AOAH: variants seen among roughly 807,000 people sequenced by gnomAD.
AOAH encodes the protein acyloxyacyl hydrolase, also known as acyloxyacyl hydrolase (neutrophil).
AOAH carries 64 observed loss-of-function variants against 92.2 expected under a neutral mutation model. That is an observed-to-expected ratio of 0.69 (90% CI 0.57 to 0.86). The LOEUF is 0.86. AOAH is among the 40% of genes least tolerant of loss of function. The pLI is 0.00. For synonymous variants in AOAH, 263 were observed against 254.5 expected (o/e 1.03, Z -0.32); for missense variants, 656 against 694.6 (o/e 0.94, Z 0.62).
intron 5 of AOAH, among the ~76,000 whole-genome samples, chr7:36,633,753 C>T (rs1793318055): frequency 1.3e-5 from 2 of 152,064 alleles, no homozygotes; most frequent in South Asian, 2.1e-4. Context: ...TGTCTCTAGG[C>T]GTGGGAAGAT....
chr7:36,637,093 A>G (rs1793576660), intron 5 of AOAH, among the ~76,000 whole-genome samples: 1 of 152,218 alleles, frequency 6.6e-6, no homozygotes, highest in Non-Finnish European at 1.5e-5. Flanking sequence ...CTGATTTGCA[A>G]CCAGGGCCTA....
At chr7:36,634,472 C>T (rs1042974527) in intron 5 of AOAH, among the ~76,000 whole-genome samples, 1 of 152,072 alleles carries the variant, frequency 6.6e-6, no homozygotes, top group African/African-American at 2.4e-5. Flanking sequence ...GACCCTCTCA[C>T]GCGCATCACT....
chr7:36,543,234 T>C (rs1036806972), intron 15 of AOAH, among the ~76,000 whole-genome samples: 3 of 152,230 alleles, frequency 2.0e-5, no homozygotes, highest in Non-Finnish European at 4.4e-5. Flanking sequence ...CTAGGTTGCC[T>C]ACCTACTAGA....
intron 13 of AOAH, among the ~76,000 whole-genome samples, chr7:36,574,358 C>G (rs1583854118): frequency 6.6e-6 from 1 of 152,314 alleles, no homozygotes; most frequent in South Asian, 2.1e-4. Context: ...TGTCTCCTGT[C>G]TCCCCTTTTA....
intron 6 of AOAH, among the ~76,000 whole-genome samples, chr7:36,627,555 A>C (rs942594235): frequency 1.4e-5 from 2 of 143,754 alleles, no homozygotes; most frequent in Admixed American, 7.0e-5. Flanking sequence ...CAAAAAAAAA[A>C]CAAAACAAAA....
intron 2 of AOAH, among the ~76,000 whole-genome samples, chr7:36,685,193 A>G (rs1796924537): frequency 6.6e-6 from 1 of 152,168 alleles, no homozygotes; most frequent in Non-Finnish European, 1.5e-5. Context: ...CAAATTCCAC[A>G]ACTAAGTGAT....
chr7:36,592,778 G>A (rs892070591), intron 12 of AOAH, among the ~76,000 whole-genome samples: 7 of 152,120 alleles, frequency 4.6e-5, no homozygotes, highest in African/African-American at 1.7e-4. Context: ...TAAATGCTTG[G>A]CATATAGTTA....
chr7:36,717,200 C>T lies in AOAH; in HGVS notation c.127+6822G>A, dbSNP rs575205921. ...GTTAGTTCCCCACTGCGGGGTTACG[C>T]TTTGGGATTGGAGCTGGGGTTGTTT... On this transcript the variant is annotated intron_variant, in intron 1 of 20. Transcript: ENST00000617537. 1.7e-3 allele frequency among the ~76,000 whole-genome samples: 265 copies of T among 152,198 alleles called. 2 individuals are homozygous for T. The highest frequency in any genetic ancestry group is 3.4e-3 in the Non-Finnish European group (229 of 67,996).
chr7:36,537,276 A>G (rs553605620), intron 16 of AOAH, among the ~76,000 whole-genome samples: 1 of 149,568 alleles, frequency 6.7e-6, no homozygotes, highest in Admixed American at 6.6e-5. Flanking sequence ...GTTTCTGTAG[A>G]ACAAACTTGT....
chr7:36,536,316 G>T (rs893996979), intron 16 of AOAH, among the ~76,000 whole-genome samples: 1 of 152,220 alleles, frequency 6.6e-6, no homozygotes, highest in Non-Finnish European at 1.5e-5. Context: ...CCAAAGTCAA[G>T]TCTAAACACT....
At chr7:36,643,096 A>G (rs889903912) in intron 4 of AOAH, among the ~76,000 whole-genome samples, 24 of 152,250 alleles carry the variant, frequency 1.6e-4, no homozygotes, top group African/African-American at 5.8e-4. Flanking sequence ...ACAACTGGAA[A>G]GAGTATAATA....
intron 4 of AOAH, among the ~76,000 whole-genome samples, chr7:36,642,192 T>A (rs945124979): frequency 2.0e-5 from 3 of 151,780 alleles, no homozygotes; most frequent in Non-Finnish European, 2.9e-5. Flanking sequence ...TTAAAAGCAA[T>A]AGCAAAAACC....
In AOAH at chr7:36,517,262, C is replaced by CTCTTTCTTTCTTTCTTTCTTTCTT. The variant is rs142858220; in HGVS notation, c.1600-3906_1600-3883dup. Among the ~76,000 whole-genome samples, 350 of 132,690 alleles carry CTCTTTCTTTCTTTCTTTCTTTCTT rather than the reference C, an allele frequency of 2.6e-3. 15 individuals carry two copies. The highest frequency in any genetic ancestry group is 9.0e-3 in the African/African-American group (287 of 31,948). The allele number at this position is 132,690 out of a possible 152,430, so 87.0% of individuals were successfully genotyped here. ...TCTCTCTCTTTCTTTCTGTGTCTCTCTCTTTCTTTCTTTCTTTCTTTCTTT... is the reference window on the plus strand; with the variant it reads ...TCTCTCTCTTTCTTTCTGTGTCTCTCTCTTTCTTTCTTTCTTTCTTTCTTTCTTTCTTTCTTTCTTTCTTTCTTT... On this transcript the variant is annotated intron_variant, in intron 20 of 20. Transcript: ENST00000617537.
At chr7:36,557,884 G>T (rs1486506080) in intron 13 of AOAH, among the ~76,000 whole-genome samples, 10 of 151,538 alleles carry the variant, frequency 6.6e-5, no homozygotes, top group African/African-American at 1.5e-4. Context: ...TTATACATTC[G>T]TCTAAATTTT....
chr7:36,688,673 A>G (rs1797188253), intron 1 of AOAH, among the ~76,000 whole-genome samples: 2 of 152,278 alleles, frequency 1.3e-5, no homozygotes, highest in African/African-American at 2.4e-5. Flanking sequence ...TTTATTTCTA[A>G]GAGTTTAGAG....
At chr7:36,640,238 C>G (rs1793811903) in intron 4 of AOAH, among the ~76,000 whole-genome samples, 1 of 152,038 alleles carries the variant, frequency 6.6e-6, no homozygotes, top group Admixed American at 6.5e-5. Flanking sequence ...CCAGACTCAC[C>G]CATTTACTCA....
At chr7:36,717,492 G>A (rs554115219) in intron 1 of AOAH, among the ~76,000 whole-genome samples, 17 of 151,908 alleles carry the variant, frequency 1.1e-4, no homozygotes, top group Admixed American at 1.1e-3. Context: ...TACCACATAT[G>A]AACTCAGAGC....
chr7:36,674,879 G>A (rs1253441227), intron 2 of AOAH, among the ~76,000 whole-genome samples: 2 of 152,222 alleles, frequency 1.3e-5, no homozygotes, highest in African/African-American at 4.8e-5. Context: ...TTTGCTTAAT[G>A]TTAAATAATG....
intron 2 of AOAH, among the ~76,000 whole-genome samples, chr7:36,680,349 C>G (rs1194489856): frequency 6.6e-6 from 1 of 152,222 alleles, no homozygotes; most frequent in African/African-American, 2.4e-5. Context: ...AGATTATTCT[C>G]AAGAATGGTG....
Sources: allele counts gnomAD v4.1 joint callset (sites outside exome capture counted in the v4.1 genomes callset), GRCh38; gene constraint gnomAD v4.1.1; transcripts MANE v1.5; gene names NCBI Gene and HGNC (gene_info 2026-07-23, HGNC 2026-07-21).